Variants in EPS8 observed in about 807,000 individuals in gnomAD.
EPS8 encodes EGFR pathway substrate 8, signaling adaptor, also known as epidermal growth factor receptor kinase substrate 8.
A neutral mutation model predicts 103.8 loss-of-function variants in EPS8; 42 were observed. The ratio of observed to expected loss-of-function variants is 0.40; its 90% CI spans 0.32 to 0.52. EPS8 has a LOEUF of 0.52. Ranked by LOEUF, EPS8 falls within the 20% of genes least tolerant of loss-of-function variation. The pLI, the probability that EPS8 is intolerant of heterozygous loss-of-function variation, is 0.40. For missense variants in EPS8, 969 were observed against 1,005.1 expected, an observed-to-expected ratio of 0.96 and a Z score of 0.49; for synonymous variants, 344 against 344.6, an observed-to-expected ratio of 1.00 and a Z score of 0.02.
chr12:15,647,063 T>C lies in EPS8; in HGVS notation c.1568+64A>G, dbSNP rs150034877. The C allele has an allele frequency of 8.8e-6, 13 of 1,483,534 alleles. No homozygotes were observed. The East Asian group carries it at 3.0e-4, about 34-fold the overall frequency. 91.9% of individuals were successfully genotyped at this position (1,483,534 alleles called of 1,614,324 possible). On this transcript the variant is annotated intron_variant, in intron 15 of 20. Coordinates refer to ENST00000281172, the MANE Select transcript of EPS8 (RefSeq NM_004447.6). ...AGTAGACAATACAGACACTGTCACC[T>C]CTGTTAGCACTAGATCAGAGACATT...
At chr12:15,724,643 A>G (rs1946633469) in intron 1 of EPS8, among the ~76,000 whole-genome samples, 2 of 152,278 alleles carry the variant, frequency 1.3e-5, no homozygotes, top group Admixed American at 1.3e-4. Flanking sequence ...CATGGGAGGG[A>G]CCTGGTGGGA....
chr12:15,756,404 G>A (rs1946986638), intron 1 of EPS8, among the ~76,000 whole-genome samples: 2 of 151,998 alleles, frequency 1.3e-5, no homozygotes, highest in African/African-American at 2.4e-5. Context: ...AAAAACAAAT[G>A]AAAAATGTAT....
intron 8 of EPS8, among the ~76,000 whole-genome samples, chr12:15,663,815 G>C (rs1945648996): frequency 6.7e-6 from 1 of 149,910 alleles, no homozygotes; most frequent in Non-Finnish European, 1.5e-5. Flanking sequence ...CCAGCTACTT[G>C]GGAGGCTGAG....
At position 15,621,284 on chromosome 12, in the gene EPS8, A is replaced by C. The variant is rs1475208947; in HGVS notation, c.*33T>G. Reference sequence around the variant, plus strand: ...AAACAAAGCATGTTGGAATAATGCCAAAAACAATGGAGTTTAAATACAAAC... The same window carrying C: ...AAACAAAGCATGTTGGAATAATGCCCAAAACAATGGAGTTTAAATACAAAC... On this transcript the variant is annotated 3_prime_UTR_variant, in exon 21 of 21. Coordinates refer to ENST00000281172, the MANE Select transcript of EPS8 (RefSeq NM_004447.6). The C allele has an allele frequency of 1.7e-6, 2 of 1,184,914 alleles. No individual in the cohort carries two copies. Among genetic ancestry groups the C allele is most frequent in the Non-Finnish European group, 2.4e-6 (2 of 829,770 alleles). 73.4% of individuals were successfully genotyped at this position (1,184,914 alleles called of 1,614,324 possible). A position where few individuals can be genotyped will look rare whatever the true frequency, so the allele number is the denominator to read the frequency against.
intron 8 of EPS8, 70 bp from the exon 9 acceptor site, chr12:15,662,169 T>G: frequency 3.8e-6 from 6 of 1,562,652 alleles, no homozygotes; most frequent in Non-Finnish European, 4.4e-6. Flanking sequence ...AATTAAAACA[T>G]AAAAATTAGT....
intron 1 of EPS8, among the ~76,000 whole-genome samples, chr12:15,729,367 T>G (rs1393764712): frequency 1.3e-5 from 2 of 152,202 alleles, no homozygotes; most frequent in Admixed American, 1.3e-4. Context: ...CTCTCTTTCT[T>G]CTCCTCATGG....
chr12:15,685,426 GTT>G (rs1946079061), intron 1 of EPS8, among the ~76,000 whole-genome samples: 1 of 152,116 alleles, frequency 6.6e-6, no homozygotes, highest in Non-Finnish European at 1.5e-5. Flanking sequence ...AACCCCCAGG[GTT>G]TGTGCTGATT....
At position 15,684,942 on chromosome 12, in the gene EPS8, G is replaced by A. The variant is rs910702323; in HGVS notation, c.-21-1970C>T. ...CAGTTTACACTTGGATACAATCAGT[G>A]GTGTGCTGGTAAACCAATTCTCAGG... is the stretch of plus-strand genomic sequence containing the variant. On this transcript the variant is annotated intron_variant, in intron 1 of 20. Coordinates refer to ENST00000281172, the MANE Select transcript of EPS8 (RefSeq NM_004447.6). This position sits in a 1 kb window ranked among gnomAD's most constrained non-coding sequence, Gnocchi z 4.9. Among the ~76,000 whole-genome samples the A allele has an allele frequency of 1.3e-5, 2 of 152,168 alleles. No homozygotes were observed. Among genetic ancestry groups the A allele is most frequent in the African/African-American group, 4.8e-5 (2 of 41,416 alleles).
At position 15,688,509 on chromosome 12, in the gene EPS8, C is replaced by T. The variant is rs1273827801; in HGVS notation, c.-21-5537G>A. On this transcript the variant is annotated intron_variant, in intron 1 of 20. Transcript: ENST00000281172. This position sits in a 1 kb window ranked among gnomAD's most constrained non-coding sequence, Gnocchi z 5.1. ...CACGCCCCCATTTTGTGCCTATAAA[C>T]ACCCTGAGAACCTAGCAGGCAGGCA... 6.6e-6 allele frequency among the ~76,000 whole-genome samples: 1 copy of T among 152,140 alleles called. No individual in the cohort carries two copies. The highest frequency in any genetic ancestry group is 1.5e-5 in the Non-Finnish European group (1 of 68,028).
intron 11 of EPS8, 126 bp from the exon 12 acceptor site, chr12:15,658,279 G>A (rs1945543581): frequency 1.5e-6 from 1 of 686,150 alleles, no homozygotes; most frequent in African/African-American, 1.8e-5. Context: ...TCTTTAGCAT[G>A]GATAGAGTGA....
intron 2 of EPS8, 124 bp from the exon 3 acceptor site, chr12:15,681,426 C>T (rs1447153850): frequency 6.2e-6 from 2 of 323,588 alleles, no homozygotes; most frequent in Non-Finnish European, 1.0e-5. Context: ...ATAATCACCA[C>T]GTGTTTAAAA....
chr12:15,674,278 G>T (rs1309820321), intron 3 of EPS8, among the ~76,000 whole-genome samples: 1 of 152,118 alleles, frequency 6.6e-6, no homozygotes, highest in African/African-American at 2.4e-5. Context: ...GTTCCTTAGA[G>T]AGTAAGGATT....
chr12:15,680,377 T>C (rs1431737016), intron 3 of EPS8, among the ~76,000 whole-genome samples: 1 of 152,222 alleles, frequency 6.6e-6, no homozygotes, highest in Admixed American at 6.5e-5. Context: ...CAGTGTTTTC[T>C]ACTTGCCAAG....
intron 18 of EPS8, among the ~76,000 whole-genome samples, chr12:15,626,943 C>T (rs1944957392): frequency 1.3e-5 from 2 of 152,262 alleles, no homozygotes; most frequent in South Asian, 2.1e-4. Context: ...CACTCTCTAT[C>T]CACATAGTTT....
chr12:15,770,257 CCA>C (rs1182310968), intron 1 of EPS8, among the ~76,000 whole-genome samples: 2 of 136,996 alleles, frequency 1.5e-5, no homozygotes, highest in African/African-American at 5.8e-5. Flanking sequence ...CCACTGCACT[CCA>C]GCCTGCATGA....
intron 1 of EPS8, among the ~76,000 whole-genome samples, chr12:15,720,613 C>T (rs188609588): frequency 2.6e-5 from 4 of 152,158 alleles, no homozygotes; most frequent in Non-Finnish European, 5.9e-5. Flanking sequence ...TAAATCTGGT[C>T]GTGTTATTTA....
intron 3 of EPS8, among the ~76,000 whole-genome samples, chr12:15,678,980 T>C (rs1945958382): frequency 6.6e-6 from 1 of 151,970 alleles, no homozygotes; most frequent in East Asian, 1.9e-4. Flanking sequence ...ACAAAGTTGC[T>C]TCTAATACAA....
intron 17 of EPS8, among the ~76,000 whole-genome samples, chr12:15,636,986 T>A (rs1945146021): frequency 6.6e-6 from 1 of 152,130 alleles, no homozygotes; most frequent in Non-Finnish European, 1.5e-5. Flanking sequence ...AAACTATGGG[T>A]TTATACAAAA....
chr12:15,645,816 T>A (rs1403388197), intron 15 of EPS8, among the ~76,000 whole-genome samples: 1 of 152,178 alleles, frequency 6.6e-6, no homozygotes. Flanking sequence ...CTAAATGTGG[T>A]CTTCAAATGG....
Sources: allele counts gnomAD v4.1 joint callset (sites outside exome capture counted in the v4.1 genomes callset), GRCh38; gene constraint gnomAD v4.1.1; non-coding constraint Gnocchi (gnomAD v3.1); transcripts MANE v1.5; gene names NCBI Gene and HGNC (gene_info 2026-07-23, HGNC 2026-07-21).